The following ALG5 variants were observed in gnomAD, a reference collection of about 807,000 sequenced individuals.
ALG5 encodes ALG5 dolichyl-phosphate beta-glucosyltransferase.
A neutral mutation model predicts 51.8 loss-of-function variants in ALG5; 26 were observed. The ratio of observed to expected loss-of-function variants is 0.50; its 90% CI spans 0.37 to 0.70. The LOEUF is 0.70. Among genes scored for constraint, ALG5 ranks in the 30% least tolerant of loss-of-function variants. ALG5 has a pLI of 0.00. For missense variants in ALG5, 311 were observed against 399.3 expected (o/e 0.78, Z 1.88); for synonymous variants, 141 against 136.1 (o/e 1.04, Z -0.25).
At chr13:36,951,821 G>A (rs897029291) in intron 9 of ALG5, among the ~76,000 whole-genome samples, 2 of 152,116 alleles carry the variant, frequency 1.3e-5, no homozygotes, top group African/African-American at 2.4e-5. Flanking sequence ...AGTTTCACTC[G>A]TTGCCCAGGC....
intron 8 of ALG5, among the ~76,000 whole-genome samples, chr13:36,964,375 G>A (rs1252464165): frequency 6.6e-6 from 1 of 152,184 alleles, no homozygotes; most frequent in African/African-American, 2.4e-5. Flanking sequence ...GAAGGATGGT[G>A]TTCTGGATGG....
intron 6 of ALG5, among the ~76,000 whole-genome samples, chr13:36,980,948 C>T (rs1183670256): frequency 1.3e-5 from 2 of 151,968 alleles, no homozygotes; most frequent in African/African-American, 4.8e-5. Context: ...CACTCCAACC[C>T]AGGTGACACA....
intron 6 of ALG5, among the ~76,000 whole-genome samples, chr13:36,978,334 G>A (rs1280866221): frequency 1.3e-5 from 2 of 151,396 alleles, no homozygotes; most frequent in Non-Finnish European, 2.9e-5. Context: ...TTATGGGCAC[G>A]TGCCACCACA....
intron 8 of ALG5, among the ~76,000 whole-genome samples, chr13:36,961,699 A>G (rs548427812): frequency 9.7e-4 from 148 of 152,314 alleles, no homozygotes; most frequent in Middle Eastern, 6.8e-3. Flanking sequence ...TGTTTTTAAC[A>G]TACCCATTTA....
At chr13:36,998,998 G>C in intron 1 of ALG5, 1 of 397,750 alleles carries the variant, frequency 2.5e-6, no homozygotes, top group Non-Finnish European at 4.4e-6. Context: ...GCTCCAGTGT[G>C]AAAAAACTTA....
Position 36,949,917 on chromosome 13 carries a change from A to C in ALG5, c.*25T>G. Reference sequence around the variant, plus strand: ...ATGAAATGTGACACTGAAGCATAAGAACACAACTGAAGACTGCAAACAACC... The same window carrying C: ...ATGAAATGTGACACTGAAGCATAAGCACACAACTGAAGACTGCAAACAACC... On this transcript the variant is annotated 3_prime_UTR_variant, in exon 10 of 10. Coordinates refer to ENST00000239891, the MANE Select transcript of ALG5 (RefSeq NM_013338.5). The C allele has an allele frequency of 6.8e-7, 1 of 1,471,666 alleles. No individual in the cohort carries two copies. Among genetic ancestry groups the C allele is most frequent in the Non-Finnish European group, 9.4e-7 (1 of 1,066,736 alleles). 91.2% of individuals were successfully genotyped at this position (1,471,666 alleles called of 1,614,324 possible). A position where few individuals can be genotyped will look rare whatever the true frequency, so the allele number is the denominator to read the frequency against.
intron 4 of ALG5, 87 bp from the exon 5 acceptor site, chr13:36,989,663 T>G (rs992837118): frequency 8.1e-6 from 8 of 991,556 alleles, no homozygotes; most frequent in Non-Finnish European, 1.2e-5. Context: ...GCTCAAACAC[T>G]GCTATTGCAG....
intron 5 of ALG5, among the ~76,000 whole-genome samples, chr13:36,988,050 G>A (rs979424410): frequency 3.3e-5 from 5 of 152,066 alleles, no homozygotes; most frequent in South Asian, 2.1e-4. Flanking sequence ...CATGTTCCCC[G>A]TCTAGGCTCC....
In ALG5 at chr13:36,960,088, A is replaced by G. The variant is rs557394487; in HGVS notation, c.773+5487T>C. Among the ~76,000 whole-genome samples the G allele has an allele frequency of 6.6e-5, 10 of 152,340 alleles. No individual in the cohort carries two copies. In the South Asian group the frequency reaches 2.1e-3, roughly 32 times the overall value. On this transcript the variant is annotated intron_variant, in intron 8 of 9. Coordinates refer to ENST00000239891, the MANE Select transcript of ALG5 (RefSeq NM_013338.5). ...ACATTTATTACCTTCGGGAAAACAA[A>G]AAGTAGTACAAGAAAGGTAATATAA...
chr13:36,995,720 C>A, intron 1 of ALG5, 124 bp from the exon 2 acceptor site: 1 of 925,170 alleles, frequency 1.1e-6, no homozygotes. Context: ...GGTTTTAGTT[C>A]ATTAACAATG....
At chr13:36,981,399 T>A (rs1007968765) in intron 6 of ALG5, among the ~76,000 whole-genome samples, 7 of 152,214 alleles carry the variant, frequency 4.6e-5, no homozygotes, top group Non-Finnish European at 8.8e-5. Flanking sequence ...CCCACGTTCC[T>A]GTTTCATTAT....
intron 4 of ALG5, among the ~76,000 whole-genome samples, chr13:36,991,814 C>T (rs9576150): frequency 0.34 from 52,176 of 151,968 alleles, 10,343 homozygotes; most frequent in East Asian, 0.72. Context: ...GGCTGGAGTT[C>T]AGTCGTGCGA....
intron 4 of ALG5, among the ~76,000 whole-genome samples, chr13:36,989,816 C>T (rs1183335729): frequency 1.3e-5 from 2 of 152,036 alleles, no homozygotes; most frequent in East Asian, 3.9e-4. Context: ...GGGCAATGAC[C>T]TTCTTTTCTT....
chr13:36,989,391 G>C, intron 5 of ALG5, 93 bp downstream of exon 5: 1 of 852,970 alleles, frequency 1.2e-6, no homozygotes, highest in East Asian at 2.6e-5. Context: ...TGAAATGCTG[G>C]TATTCAAGCA....
Position 36,959,529 on chromosome 13 carries a change from A to C in ALG5, c.773+6046T>G, listed in dbSNP as rs115653397. On this transcript the variant is annotated intron_variant, in intron 8 of 9. Transcript: ENST00000239891. ...TACTCAACAAAATGCATGAAAAAGAACTACATTAAGGCCTAGAATTATAAT... is the reference window on the plus strand; with the variant it reads ...TACTCAACAAAATGCATGAAAAAGACCTACATTAAGGCCTAGAATTATAAT... Among the ~76,000 whole-genome samples the C allele has an allele frequency of 2.6e-4, 40 of 152,288 alleles. No individual in the cohort carries two copies. In the South Asian group the frequency reaches 5.8e-3, roughly 22 times the overall value.
At chr13:36,996,572 C>T (rs2059051690) in intron 1 of ALG5, among the ~76,000 whole-genome samples, 1 of 152,004 alleles carries the variant, frequency 6.6e-6, no homozygotes, top group Non-Finnish European at 1.5e-5. Context: ...CACTTCCCCC[C>T]TGCCAAAAAA....
Position 36,999,293 on chromosome 13 carries a change from G to A in ALG5, c.8C>T (p.Pro3Leu), listed in dbSNP as rs776431151. The A allele has an allele frequency of 6.3e-6, 10 of 1,575,532 alleles. No homozygotes were observed. In the Middle Eastern group the frequency reaches 6.7e-4, roughly 106 times the overall value. MA[P>L]LLLQLAVLGA... ...GAGCACCGCCAGCTGCAACAGAAGC[G>A]GAGCCATTCTCCATGCCGTGGCAGC... Residue 3 changes from proline (P) to leucine (L), a missense_variant, in exon 1 of 10, where the codon CCG (proline) becomes CTG (leucine). Transcript: ENST00000239891.
chr13:36,981,769 G>GA, intron 6 of ALG5, among the ~76,000 whole-genome samples: 1 of 152,098 alleles, frequency 6.6e-6, no homozygotes. Context: ...AAAATTATAA[G>GA]AAAAAAATAT....
chr13:36,995,320 G>A, intron 2 of ALG5, 105 bp downstream of exon 2: 1 of 1,201,016 alleles, frequency 8.3e-7, no homozygotes, highest in South Asian at 1.5e-5. Context: ...GCTCAACACA[G>A]CCCACATCTA....
Sources: gnomAD v4.1 joint callset for allele counts (sites outside exome capture counted in the v4.1 genomes callset) on GRCh38, gnomAD v4.1.1 for gene constraint, MANE v1.5 for transcripts, NCBI Gene and HGNC (gene_info 2026-07-23, HGNC 2026-07-21) for gene names.